RYK: variants seen among roughly 807,000 people sequenced by gnomAD.
The protein encoded by RYK is inactive tyrosine-protein kinase RYK.
Under a neutral mutation model 70.2 loss-of-function variants are expected in RYK, and 21 were observed. That is an observed-to-expected ratio of 0.30 (90% confidence interval 0.21 to 0.43). The LOEUF (loss-of-function observed/expected upper bound fraction) is 0.43, where lower values mean the gene tolerates loss of function less well. Ranked by LOEUF, RYK falls within the 20% of genes least tolerant of loss-of-function variation. The pLI is 1.00. For missense variants in RYK, 604 were observed against 753.3 expected, an observed-to-expected ratio of 0.80 and a Z score of 2.32; for synonymous variants, 267 against 278.0, an observed-to-expected ratio of 0.96 and a Z score of 0.39.
chr3:134,204,584 G>GCCACAT (rs2107676040), intron 5 of RYK, among the ~76,000 whole-genome samples: 1 of 91,742 alleles, frequency 1.1e-5, no homozygotes, highest in African/African-American at 5.7e-5. Context: ...CAATGACACA[G>GCCACAT]CCACAGCCAC....
At chr3:134,220,384 T>C (rs1239325527) in intron 2 of RYK, among the ~76,000 whole-genome samples, 2 of 152,092 alleles carry the variant, frequency 1.3e-5, no homozygotes, top group African/African-American at 4.8e-5. Flanking sequence ...GTATAAAGAA[T>C]GCCCTTTTTC....
chr3:134,231,223 G>A (rs1252105954), intron 1 of RYK, among the ~76,000 whole-genome samples: 2 of 151,474 alleles, frequency 1.3e-5, no homozygotes, highest in East Asian at 1.9e-4. Flanking sequence ...GAAAATGCAG[G>A]CACGTCCTCA....
At chr3:134,175,462 G>C in intron 13 of RYK, 147 bp downstream of exon 13, 1 of 829,968 alleles carries the variant, frequency 1.2e-6, no homozygotes, top group Non-Finnish European at 1.9e-6. Context: ...TGGTTGACTG[G>C]CAGCTAATTA....
chr3:134,174,408 G>A (rs530115130), intron 13 of RYK, among the ~76,000 whole-genome samples: 1 of 152,246 alleles, frequency 6.6e-6, no homozygotes, highest in African/African-American at 2.4e-5. Context: ...ATGATTAAAA[G>A]ATTAATCCTT....
At chr3:134,202,574 C>A in intron 6 of RYK, 156 bp downstream of exon 6, 7 of 560,258 alleles carry the variant, frequency 1.2e-5, no homozygotes, top group South Asian at 8.7e-5. Flanking sequence ...TCAGAGAAAC[C>A]AGAGACAGTG....
intron 9 of RYK, among the ~76,000 whole-genome samples, chr3:134,184,520 G>A (rs2013400489): frequency 6.6e-6 from 1 of 152,126 alleles, no homozygotes; most frequent in Non-Finnish European, 1.5e-5. Flanking sequence ...CACCACTTTG[G>A]GAGGCTGAAG....
chr3:134,159,103 G>C (rs549100650), intron 14 of RYK, 134 bp downstream of exon 14: 12 of 955,984 alleles, frequency 1.3e-5, no homozygotes, highest in Non-Finnish European at 1.8e-5. Flanking sequence ...TTTTATAAGA[G>C]TCTAATTTAA....
At chr3:134,192,064 G>T in intron 7 of RYK, 90 bp from the exon 8 acceptor site, 1 of 1,277,258 alleles carries the variant, frequency 7.8e-7, no homozygotes, top group South Asian at 1.4e-5. Flanking sequence ...TCAGGACTCA[G>T]GTCACAGGAA....
chr3:134,237,755 A>G (rs1371302559), intron 1 of RYK, among the ~76,000 whole-genome samples: 2 of 152,180 alleles, frequency 1.3e-5, no homozygotes, highest in Non-Finnish European at 2.9e-5. Context: ...CTCAGCCGCA[A>G]AATTCTATTA....
At chr3:134,224,155 C>G (rs923026788) in intron 1 of RYK, among the ~76,000 whole-genome samples, 5 of 152,154 alleles carry the variant, frequency 3.3e-5, no homozygotes, top group Admixed American at 1.3e-4. Context: ...TGGGGGACCA[C>G]TACCACCAAG....
chr3:134,211,478 T>G, intron 3 of RYK, 30 bp downstream of exon 3: 1 of 1,521,118 alleles, frequency 6.6e-7, no homozygotes, highest in Non-Finnish European at 9.1e-7. Context: ...AAAAAGTATG[T>G]TAACTCTGTC....
chr3:134,215,658 A>G (rs1373296975), intron 2 of RYK, among the ~76,000 whole-genome samples: 1 of 152,230 alleles, frequency 6.6e-6, no homozygotes, highest in African/African-American at 2.4e-5. Flanking sequence ...AGATCTGCTC[A>G]AAAGTTAAAT....
intron 1 of RYK, among the ~76,000 whole-genome samples, chr3:134,230,788 C>A (rs906022316): frequency 6.6e-6 from 1 of 152,042 alleles, no homozygotes; most frequent in African/African-American, 2.4e-5. Flanking sequence ...AAAACTCAAC[C>A]AAGAGAACAT....
At chr3:134,164,386 T>C (rs1181005707) in intron 13 of RYK, among the ~76,000 whole-genome samples, 2 of 152,186 alleles carry the variant, frequency 1.3e-5, no homozygotes, top group African/African-American at 4.8e-5. Context: ...TTCCAAATGA[T>C]TCTGTTTTGA....
chr3:134,228,919 GGATC>G (rs1340605846), intron 1 of RYK, among the ~76,000 whole-genome samples: 3 of 151,924 alleles, frequency 2.0e-5, no homozygotes, highest in Admixed American at 6.6e-5. Flanking sequence ...TACCCTGACT[GGATC>G]ATTATACAGC....
chr3:134,209,659 A>C, intron 4 of RYK, 36 bp downstream of exon 4: 1 of 1,354,926 alleles, frequency 7.4e-7, no homozygotes, highest in Non-Finnish European at 9.8e-7. Context: ...CTTCTCACAT[A>C]CATGTAAAAC....
intron 8 of RYK, among the ~76,000 whole-genome samples, chr3:134,189,492 G>A (rs963249581): frequency 3.9e-5 from 6 of 152,074 alleles, no homozygotes; most frequent in South Asian, 2.1e-4. Flanking sequence ...GGCTGCGCGC[G>A]GCTCACGCCT....
chr3:134,169,375 A>G (rs1679737199), intron 13 of RYK, among the ~76,000 whole-genome samples: 1 of 152,210 alleles, frequency 6.6e-6, no homozygotes, highest in Admixed American at 6.5e-5. Flanking sequence ...GTAAATCAAG[A>G]ACTCTATTTT....
chr3:134,200,799 C>T (rs999896712), intron 6 of RYK, among the ~76,000 whole-genome samples: 5 of 152,174 alleles, frequency 3.3e-5, no homozygotes, highest in Middle Eastern at 3.2e-3. Context: ...CTCTAGAGTC[C>T]GTACTCTTGA....
Sources: allele counts gnomAD v4.1 joint callset (sites outside exome capture counted in the v4.1 genomes callset), GRCh38; gene constraint gnomAD v4.1.1; transcripts MANE v1.5; gene names NCBI Gene and HGNC (gene_info 2026-07-23, HGNC 2026-07-21).